Variants in EYS observed in about 807,000 individuals in gnomAD.
EYS encodes the protein protein eyes shut homolog.
EYS carries 250 observed loss-of-function variants against 282.1 expected under a neutral mutation model. The observed-to-expected ratio is 0.89, with a 90% CI of 0.80 to 0.98. The LOEUF is 0.98. EYS is among the 50% of genes least tolerant of loss of function. The pLI is 0.00. For missense variants in EYS, 4,016 were observed against 3,709.0 expected (o/e 1.08, Z -2.15); for synonymous variants, 1,355 against 1,282.9 (o/e 1.06, Z -1.20).
intron 8 of EYS, among the ~76,000 whole-genome samples, chr6:65,374,102 T>G (rs1562131656): frequency 6.6e-6 from 1 of 152,196 alleles, no homozygotes; most frequent in Non-Finnish European, 1.5e-5. Flanking sequence ...GATGGCTGAA[T>G]AGGAACAGCT....
rs552728842 is a variant in EYS, at chr6:65,031,543, G to C, written c.2137+26071C>G. On this transcript the variant is annotated intron_variant, in intron 13 of 42. Coordinates refer to ENST00000503581, the MANE Select transcript of EYS (RefSeq NM_001142800.2). Reference sequence around the variant, plus strand: ...ATACCAACCATGCTCTTGGACCACAGTGCAATAAAAATAAAAATTAATACC... The same window carrying C: ...ATACCAACCATGCTCTTGGACCACACTGCAATAAAAATAAAAATTAATACC... Among the ~76,000 whole-genome samples the C allele has an allele frequency of 1.4e-4, 21 of 152,072 alleles. No homozygotes were observed. In the South Asian group the frequency reaches 4.0e-3, roughly 29 times the overall value.
intron 31 of EYS, among the ~76,000 whole-genome samples, chr6:64,092,183 G>A (rs1772389458): frequency 6.6e-6 from 1 of 152,136 alleles, no homozygotes. Flanking sequence ...CCAAGTCTTT[G>A]CTATTGTGAA....
chr6:65,569,838 T>C (rs1321904978), intron 2 of EYS, among the ~76,000 whole-genome samples: 1 of 152,178 alleles, frequency 6.6e-6, no homozygotes, highest in African/African-American at 2.4e-5. Flanking sequence ...GAGACTAATT[T>C]GAGTAATAAT....
chr6:63,809,828 A>G (rs1175577183), intron 36 of EYS, among the ~76,000 whole-genome samples: 6 of 152,220 alleles, frequency 3.9e-5, no homozygotes, highest in Non-Finnish European at 8.8e-5. Context: ...AAAAGTTATC[A>G]CAGAAAGGGT....
intron 14 of EYS, among the ~76,000 whole-genome samples, chr6:64,968,114 A>G (rs1770159431): frequency 2.0e-5 from 3 of 152,326 alleles, no homozygotes; most frequent in East Asian, 3.9e-4. Context: ...TTACAGCCAT[A>G]TATAACACTA....
chr6:64,059,536 T>A (rs547318770), intron 33 of EYS, among the ~76,000 whole-genome samples: 1 of 152,306 alleles, frequency 6.6e-6, no homozygotes, highest in African/African-American at 2.4e-5. Context: ...CCTTATTTAT[T>A]TTTGAATCAA....
intron 22 of EYS, among the ~76,000 whole-genome samples, chr6:64,694,297 A>G (rs1183548759): frequency 1.3e-5 from 2 of 152,230 alleles, no homozygotes; most frequent in African/African-American, 4.8e-5. Context: ...TTAAAAAACC[A>G]TTGAATGCTT....
At chr6:64,474,044 G>A (rs1776196448) in intron 26 of EYS, among the ~76,000 whole-genome samples, 1 of 151,930 alleles carries the variant, frequency 6.6e-6, no homozygotes, top group Non-Finnish European at 1.5e-5. Context: ...TCCATTTTTA[G>A]TTCCCCAACC....
Position 64,686,827 on chromosome 6 carries a change from A to ATATATACGTG in EYS, c.3444-60583_3444-60582insCACGTATATA, listed in dbSNP as rs1554193105. On this transcript the variant is annotated intron_variant, in intron 22 of 42. Coordinates refer to ENST00000503581, the MANE Select transcript of EYS (RefSeq NM_001142800.2). ...TATGTGTGTATATATATATGTGTAT[A>ATATATACGTG]TATATATATACGTGTATATATATAT... 1.4e-3 allele frequency among the ~76,000 whole-genome samples: 58 copies of ATATATACGTG among 40,870 alleles called. 4 individuals are homozygous for ATATATACGTG. The highest frequency in any genetic ancestry group is 2.9e-3 in the Non-Finnish European group (50 of 17,242). 26.8% of individuals were successfully genotyped at this position (40,870 alleles called of 152,430 possible). A position where few individuals can be genotyped will look rare whatever the true frequency, so the allele number is the denominator to read the frequency against.
intron 19 of EYS, among the ~76,000 whole-genome samples, chr6:64,869,452 A>G (rs181284537): frequency 5.7e-4 from 86 of 151,748 alleles, no homozygotes; most frequent in Non-Finnish European, 9.3e-4. Context: ...ATTACAAACT[A>G]AGGTAATGAA....
At chr6:64,241,414 T>G (rs977990972) in intron 30 of EYS, among the ~76,000 whole-genome samples, 1 of 152,094 alleles carries the variant, frequency 6.6e-6, no homozygotes, top group Non-Finnish European at 1.5e-5. Flanking sequence ...TCTGTCTCAA[T>G]TTCCAATATT....
At chr6:64,244,637 C>A (rs1170087194) in intron 30 of EYS, among the ~76,000 whole-genome samples, 1 of 152,082 alleles carries the variant, frequency 6.6e-6, no homozygotes, top group Non-Finnish European at 1.5e-5. Context: ...ATTGAATTTT[C>A]TCATTTTATT....
chr6:65,031,965 CATA>C (rs1440714662), intron 13 of EYS, among the ~76,000 whole-genome samples: 1 of 151,728 alleles, frequency 6.6e-6, no homozygotes, highest in Admixed American at 6.6e-5. Flanking sequence ...ATATAAGATT[CATA>C]ATACACTAAT....
At chr6:63,906,186 A>G (rs1057176554) in intron 35 of EYS, among the ~76,000 whole-genome samples, 1 of 152,260 alleles carries the variant, frequency 6.6e-6, no homozygotes, top group Non-Finnish European at 1.5e-5. Context: ...TTTCCTTGTT[A>G]TGAAGCATAA....
Position 63,816,676 on chromosome 6 carries a change from C to A in EYS, c.7229-10304G>T, listed in dbSNP as rs1345577202. 2.6e-5 allele frequency among the ~76,000 whole-genome samples: 4 copies of A among 152,298 alleles called. No individual in the cohort carries two copies. The East Asian group carries it at 7.7e-4, about 29-fold the overall frequency. ...CTAAATATTACTCTCTCTCTTTGGA[C>A]CACTTCTTCAGGGTGCAAATCTTGG... On this transcript the variant is annotated intron_variant, in intron 36 of 42. Coordinates refer to ENST00000503581, the MANE Select transcript of EYS (RefSeq NM_001142800.2).
intron 5 of EYS, among the ~76,000 whole-genome samples, chr6:65,410,915 T>C (rs2150369733): frequency 6.6e-6 from 1 of 152,164 alleles, no homozygotes; most frequent in South Asian, 2.1e-4. Context: ...AAATGGTGGA[T>C]ATTATGTTAA....
At chr6:64,871,489 T>C (rs1249343831) in intron 19 of EYS, among the ~76,000 whole-genome samples, 1 of 151,990 alleles carries the variant, frequency 6.6e-6, no homozygotes, top group Non-Finnish European at 1.5e-5. Flanking sequence ...ATTAATGCTA[T>C]GTTTATATAA....
chr6:65,502,463 A>C (rs1045104189), intron 2 of EYS, among the ~76,000 whole-genome samples: 3 of 151,736 alleles, frequency 2.0e-5, no homozygotes, highest in Non-Finnish European at 3.0e-5. Flanking sequence ...TCTCATGTGT[A>C]CCATATTGTC....
intron 2 of EYS, among the ~76,000 whole-genome samples, chr6:65,543,468 T>C (rs1768256868): frequency 6.7e-6 from 1 of 148,288 alleles, no homozygotes; most frequent in Non-Finnish European, 1.5e-5. Flanking sequence ...ATATATTAAT[T>C]ATGTGTGTGT....
Sources: allele counts gnomAD v4.1 joint callset (sites outside exome capture counted in the v4.1 genomes callset), GRCh38; gene constraint gnomAD v4.1.1; transcripts MANE v1.5; gene names NCBI Gene and HGNC (gene_info 2026-07-23, HGNC 2026-07-21).